The following NBEA variants were observed in gnomAD, a reference collection of about 807,000 sequenced individuals.
The protein encoded by NBEA is lysosomal-trafficking regulator 2.
NBEA carries 44 observed loss-of-function variants against 343.4 expected under a neutral mutation model. That is an observed-to-expected ratio of 0.13 (90% CI 0.10 to 0.16). NBEA has a LOEUF of 0.16. NBEA is among the 10% of genes least tolerant of loss of function. The pLI, the probability that NBEA is intolerant of heterozygous loss-of-function variation, is 1.00. For synonymous variants in NBEA, 1,175 were observed against 1,238.7 expected (o/e 0.95, Z 1.08); for missense variants, 2,555 against 3,631.3 (o/e 0.70, Z 7.62).
intron 38 of NBEA, among the ~76,000 whole-genome samples, chr13:35,379,717 T>TC (rs1479313061): frequency 4.6e-5 from 7 of 151,770 alleles, no homozygotes; most frequent in Non-Finnish European, 8.8e-5. Context: ...TTACTTTTTT[T>TC]TTTTTTGCAT....
rs148431300 is a variant in NBEA, at chr13:35,525,576, T to C, written c.6586-24901T>C. 2.5e-3 allele frequency among the ~76,000 whole-genome samples: 382 copies of C among 150,984 alleles called. 2 individuals carry two copies. The highest frequency in any genetic ancestry group is 8.9e-3 in the African/African-American group (368 of 41,392). Reference sequence around the variant, plus strand: ...CTCAATAAATAAATAAATAAATAAATAACAAATAAAAAACAAAAAAACTTG... The same window carrying C: ...CTCAATAAATAAATAAATAAATAAACAACAAATAAAAAACAAAAAAACTTG... On this transcript the variant is annotated intron_variant, in intron 41 of 58. Coordinates refer to ENST00000379939, the MANE Select transcript of NBEA (RefSeq NM_001385012.1).
chr13:35,201,034 C>T (rs1445414154), intron 31 of NBEA, among the ~76,000 whole-genome samples: 2 of 151,502 alleles, frequency 1.3e-5, no homozygotes, highest in Non-Finnish European at 2.9e-5. Flanking sequence ...GTATTTTGAC[C>T]CTATCACTTA....
intron 36 of NBEA, among the ~76,000 whole-genome samples, chr13:35,340,066 T>G (rs902371069): frequency 1.1e-4 from 16 of 152,134 alleles, no homozygotes; most frequent in African/African-American, 3.9e-4. Context: ...AAAACAGTAT[T>G]GCAGATCCTA....
chr13:35,138,787 A>C (rs981577306), intron 17 of NBEA, among the ~76,000 whole-genome samples: 1 of 152,042 alleles, frequency 6.6e-6, no homozygotes, highest in Non-Finnish European at 1.5e-5. Flanking sequence ...CTTATCAGTT[A>C]TATTTTATGA....
intron 36 of NBEA, among the ~76,000 whole-genome samples, chr13:35,319,839 T>C (rs927278000): frequency 2.6e-5 from 4 of 152,214 alleles, no homozygotes; most frequent in Non-Finnish European, 5.9e-5. Flanking sequence ...CCTTTACCAT[T>C]ACATAATTCC....
chr13:35,324,144 A>G (rs79905267), intron 36 of NBEA, among the ~76,000 whole-genome samples: 3,497 of 152,314 alleles, frequency 0.023, 133 homozygotes, highest in African/African-American at 0.08. Flanking sequence ...GGCTACACTA[A>G]CAGGAAGGTA....
chr13:35,559,788 C>T (rs914442189), intron 44 of NBEA, among the ~76,000 whole-genome samples: 1 of 151,742 alleles, frequency 6.6e-6, no homozygotes, highest in African/African-American at 2.4e-5. Flanking sequence ...TGGTAGCGGG[C>T]GCCTGTAGTC....
At chr13:35,328,834 A>G (rs1225420383) in intron 36 of NBEA, among the ~76,000 whole-genome samples, 25 of 151,586 alleles carry the variant, frequency 1.6e-4, no homozygotes, top group Non-Finnish European at 1.9e-4. Flanking sequence ...GAAAATACGC[A>G]GGGCCTAAGA....
intron 36 of NBEA, among the ~76,000 whole-genome samples, chr13:35,326,393 G>A (rs1295999178): frequency 6.6e-6 from 1 of 151,886 alleles, no homozygotes; most frequent in African/African-American, 2.4e-5. Context: ...AGGGAAAGGG[G>A]AACTATTATA....
intron 1 of NBEA, among the ~76,000 whole-genome samples, chr13:35,039,493 A>G (rs900693381): frequency 3.9e-5 from 6 of 152,196 alleles, no homozygotes; most frequent in Non-Finnish European, 7.3e-5. Flanking sequence ...TGTAATGTTT[A>G]TATGAACTTG....
At chr13:35,276,391 A>C (rs2034593082) in intron 34 of NBEA, among the ~76,000 whole-genome samples, 1 of 152,320 alleles carries the variant, frequency 6.6e-6, no homozygotes, top group East Asian at 1.9e-4. Flanking sequence ...GGTGCTTAAA[A>C]TACAAGGTAA....
At chr13:35,586,553 A>G (rs547668962) in intron 46 of NBEA, among the ~76,000 whole-genome samples, 1 of 152,236 alleles carries the variant, frequency 6.6e-6, no homozygotes. Context: ...AAATCAGTCT[A>G]GTTTATCCAA....
chr13:35,140,081 G>T (rs752061272), intron 17 of NBEA, among the ~76,000 whole-genome samples: 5 of 151,996 alleles, frequency 3.3e-5, no homozygotes, highest in Non-Finnish European at 7.4e-5. Context: ...GAGTGCAGTG[G>T]CACAAGCTCA....
intron 16 of NBEA, among the ~76,000 whole-genome samples, chr13:35,121,686 A>T (rs2066808859): frequency 6.6e-6 from 1 of 152,286 alleles, no homozygotes; most frequent in Non-Finnish European, 1.5e-5. Context: ...TGCAAAGCAT[A>T]AAAGAAAAAA....
chr13:35,555,613 C>G (rs957027340), intron 44 of NBEA, among the ~76,000 whole-genome samples: 10 of 152,020 alleles, frequency 6.6e-5, no homozygotes, highest in Non-Finnish European at 1.3e-4. Context: ...ACCATGCTTG[C>G]AAATCAAAAG....
chr13:35,537,451 T>C (rs974842399), intron 41 of NBEA, among the ~76,000 whole-genome samples: 2 of 150,992 alleles, frequency 1.3e-5, no homozygotes, highest in East Asian at 4.1e-4. Flanking sequence ...GTAATAGAGA[T>C]ACAGTAATGA....
intron 30 of NBEA, among the ~76,000 whole-genome samples, chr13:35,191,197 A>G (rs1290543015): frequency 5.3e-5 from 8 of 152,126 alleles, no homozygotes. Flanking sequence ...GTCCCAGAGG[A>G]AAGAAGAGAA....
At chr13:35,425,806 A>T (rs1217556018) in intron 38 of NBEA, among the ~76,000 whole-genome samples, 3 of 152,102 alleles carry the variant, frequency 2.0e-5, no homozygotes, top group Non-Finnish European at 4.4e-5. Context: ...GTCACTAAGG[A>T]CTTGCTTTAT....
intron 10 of NBEA, among the ~76,000 whole-genome samples, chr13:35,072,019 A>C (rs1316652290): frequency 1.3e-5 from 2 of 152,064 alleles, no homozygotes; most frequent in East Asian, 3.9e-4. Context: ...CTGTGATACT[A>C]TTTTGCTTGT....
Sources: allele counts gnomAD v4.1 joint callset (sites outside exome capture counted in the v4.1 genomes callset), GRCh38; gene constraint gnomAD v4.1.1; transcripts MANE v1.5; gene names NCBI Gene and HGNC (gene_info 2026-07-23, HGNC 2026-07-21).